APBA1: variants seen among roughly 807,000 people sequenced by gnomAD.
APBA1 encodes amyloid-beta A4 precursor protein-binding family A member 1.
A neutral mutation model predicts 86.6 loss-of-function variants in APBA1; 55 were observed. The ratio of observed to expected loss-of-function variants is 0.64; its 90% CI spans 0.51 to 0.80. The LOEUF (loss-of-function observed/expected upper bound fraction) is 0.80. Ranked by LOEUF, APBA1 falls within the 30% of genes least tolerant of loss-of-function variation. The pLI is 0.00. For missense variants in APBA1, 1,090 were observed against 1,183.0 expected (o/e 0.92, Z 1.15); for synonymous variants, 511 against 493.9 (o/e 1.03, Z -0.46).
chr9:69,539,649 C>T (rs970710385), intron 1 of APBA1, among the ~76,000 whole-genome samples: 1 of 152,204 alleles, frequency 6.6e-6, no homozygotes, highest in African/African-American at 2.4e-5. Flanking sequence ...CCTCGCACCT[C>T]TCACCTCAGC....
At chr9:69,631,337 A>C (rs1823039602) in intron 1 of APBA1, among the ~76,000 whole-genome samples, 1 of 152,236 alleles carries the variant, frequency 6.6e-6, no homozygotes, top group Non-Finnish European at 1.5e-5. Flanking sequence ...AGAGAAATGC[A>C]AATCAAAACC....
chr9:69,638,611 G>A (rs758081412), intron 1 of APBA1, among the ~76,000 whole-genome samples: 2 of 152,148 alleles, frequency 1.3e-5, no homozygotes, highest in Non-Finnish European at 2.9e-5. Flanking sequence ...TAAACAGATG[G>A]TTTGTGTTTG....
intron 1 of APBA1, among the ~76,000 whole-genome samples, chr9:69,658,260 C>CTTTCTTTCTTTCTTTCTTTCTT (rs1335389814): frequency 4.7e-5 from 1 of 21,234 alleles, no homozygotes; most frequent in Non-Finnish European, 2.5e-4. Flanking sequence ...TTCTTTCTTT[C>CTTTCTTTCTTTCTTTCTTTCTT]TTTCTTTCTT....
intron 3 of APBA1, among the ~76,000 whole-genome samples, chr9:69,473,815 A>C (rs904728728): frequency 6.6e-6 from 1 of 152,192 alleles, no homozygotes; most frequent in African/African-American, 2.4e-5. Flanking sequence ...TGAGCTCATG[A>C]CTAGCTTTCT....
At chr9:69,621,507 A>G (rs1301353690) in intron 1 of APBA1, among the ~76,000 whole-genome samples, 1 of 152,206 alleles carries the variant, frequency 6.6e-6, no homozygotes, top group Non-Finnish European at 1.5e-5. Context: ...GGCTGAGTGC[A>G]TGGCTCTTGA....
At chr9:69,440,961 A>G in intron 11 of APBA1, 35 bp downstream of exon 11, 1 of 1,601,280 alleles carries the variant, frequency 6.2e-7, no homozygotes, top group Non-Finnish European at 8.5e-7. Context: ...ATTTGTCAAC[A>G]TTGTGGAAAA....
chr9:69,516,000 C>T lies in APBA1; in HGVS notation c.1200+11G>A, dbSNP rs776841189. ...GTGGGGCCGAGGAAGCCCAAACCCG[C>T]ACCTACTTACATCTCCGTCCATCGG... On this transcript the variant is annotated intron_variant, in intron 2 of 12. Coordinates refer to ENST00000265381, the MANE Select transcript of APBA1 (RefSeq NM_001163.4). The T allele has an allele frequency of 2.0e-6, 3 of 1,536,500 alleles. No homozygotes were observed. The highest frequency in any genetic ancestry group is 2.6e-6 in the Non-Finnish European group (3 of 1,134,008).
chr9:69,604,560 G>A (rs1425741715), intron 1 of APBA1, among the ~76,000 whole-genome samples: 1 of 132,842 alleles, frequency 7.5e-6, no homozygotes, highest in Non-Finnish European at 1.6e-5. Context: ...GGGCACACAT[G>A]CACACACATG....
intron 1 of APBA1, among the ~76,000 whole-genome samples, chr9:69,650,630 A>T (rs1280622313): frequency 6.6e-6 from 1 of 152,218 alleles, no homozygotes; most frequent in African/African-American, 2.4e-5. Context: ...AATTCAGTAT[A>T]CCTGTTCAGT....
At chr9:69,473,696 T>C (rs1360332444) in intron 3 of APBA1, among the ~76,000 whole-genome samples, 2 of 151,650 alleles carry the variant, frequency 1.3e-5, no homozygotes, top group Non-Finnish European at 2.9e-5. Context: ...TTAAAAAAAT[T>C]AAAAAAAAGA....
intron 1 of APBA1, among the ~76,000 whole-genome samples, chr9:69,567,677 A>G (rs961210633): frequency 2.0e-5 from 3 of 152,050 alleles, no homozygotes; most frequent in Non-Finnish European, 4.4e-5. Context: ...TTAACTTTGA[A>G]TCCCAGGTCT....
intron 2 of APBA1, among the ~76,000 whole-genome samples, chr9:69,497,857 C>T (rs1053695117): frequency 6.6e-6 from 1 of 152,108 alleles, no homozygotes; most frequent in African/African-American, 2.4e-5. Flanking sequence ...CTCAGCCAGA[C>T]AACAAAACAA....
chr9:69,489,244 G>C (rs577669069), intron 2 of APBA1, among the ~76,000 whole-genome samples: 1 of 152,168 alleles, frequency 6.6e-6, no homozygotes, highest in East Asian at 1.9e-4. Context: ...CAAGGCTACA[G>C]TAACCAAAAC....
At chr9:69,496,447 T>C (rs1729862077) in intron 2 of APBA1, among the ~76,000 whole-genome samples, 1 of 152,056 alleles carries the variant, frequency 6.6e-6, no homozygotes, top group African/African-American at 2.4e-5. Flanking sequence ...AATCCTCCCA[T>C]GCTAGTTGAC....
intron 1 of APBA1, among the ~76,000 whole-genome samples, chr9:69,626,933 G>C (rs1182862857): frequency 6.6e-6 from 1 of 151,454 alleles, no homozygotes; most frequent in Admixed American, 6.6e-5. Flanking sequence ...CAATTTCCGA[G>C]TTATTATTTT....
chr9:69,623,863 T>C (rs770489513), intron 1 of APBA1, among the ~76,000 whole-genome samples: 1 of 152,206 alleles, frequency 6.6e-6, no homozygotes, highest in Non-Finnish European at 1.5e-5. Context: ...GAGTAGGTCA[T>C]CTTAACGTCT....
Position 69,620,626 on chromosome 9 carries a change from G to A in APBA1, c.-70+51527C>T, listed in dbSNP as rs112299305. Among the ~76,000 whole-genome samples, 242 of 152,110 alleles carry A rather than the reference G, an allele frequency of 1.6e-3. 1 individual carries two copies. The highest frequency in any genetic ancestry group is 5.2e-3 in the African/African-American group (217 of 41,488). On this transcript the variant is annotated intron_variant, in intron 1 of 12. Transcript: ENST00000265381. ...CGGGAGGCGGAGGTTGCAGTGAGCC[G>A]AGATCGTACCACTGCACTCCAGCCT...
intron 1 of APBA1, among the ~76,000 whole-genome samples, chr9:69,543,448 C>A (rs13289730): frequency 6.6e-6 from 1 of 151,836 alleles, no homozygotes; most frequent in East Asian, 1.9e-4. Flanking sequence ...CTTTCCAGAC[C>A]GCCACTGATC....
chr9:69,670,440 T>C (rs1172173112), intron 1 of APBA1, among the ~76,000 whole-genome samples: 1 of 152,190 alleles, frequency 6.6e-6, no homozygotes, highest in East Asian at 1.9e-4. Context: ...ATTCCGACAA[T>C]GCAGTAGAAT....
Sources: allele counts gnomAD v4.1 joint callset (sites outside exome capture counted in the v4.1 genomes callset), GRCh38; gene constraint gnomAD v4.1.1; transcripts MANE v1.5; gene names NCBI Gene and HGNC (gene_info 2026-07-23, HGNC 2026-07-21).